The following PTAR1 variants were observed in gnomAD, a reference collection of about 807,000 sequenced individuals.
The protein encoded by PTAR1 is protein prenyltransferase alpha subunit repeat containing 1, also known as protein prenyltransferase alpha subunit repeat-containing protein 1.
A neutral mutation model predicts 45.5 loss-of-function variants in PTAR1; 17 were observed. The ratio of observed to expected loss-of-function variants is 0.37; its 90% CI spans 0.26 to 0.56. The LOEUF is 0.56. Ranked by LOEUF, PTAR1 falls within the 20% of genes least tolerant of loss-of-function variation. PTAR1 has a pLI of 0.77. For missense variants in PTAR1, 391 were observed against 476.3 expected (o/e 0.82, Z 1.67); for synonymous variants, 169 against 171.3 (o/e 0.99, Z 0.11).
intron 6 of PTAR1, among the ~76,000 whole-genome samples, chr9:69,720,168 T>C (rs1001019467): frequency 3.5e-4 from 53 of 152,362 alleles, no homozygotes; most frequent in African/African-American, 1.3e-3. Context: ...GGCTGAAAGC[T>C]AGGCCTCTTG....
At chr9:69,724,155 C>T (rs1298586008) in intron 5 of PTAR1, among the ~76,000 whole-genome samples, 4 of 152,236 alleles carry the variant, frequency 2.6e-5, no homozygotes, top group South Asian at 4.2e-4. Flanking sequence ...TTGCTCACTA[C>T]TTAATTATAA....
intron 6 of PTAR1, among the ~76,000 whole-genome samples, chr9:69,720,812 A>T (rs901355657): frequency 6.6e-6 from 1 of 152,168 alleles, no homozygotes. Flanking sequence ...TTGACAGCAC[A>T]TCCGTTTAAA....
rs1489175867 is a variant in PTAR1, at chr9:69,750,816, A to G, written c.221T>C (p.Leu74Ser). The G allele has an allele frequency of 1.9e-6, 3 of 1,611,374 alleles. No individual in the cohort carries two copies. The highest frequency in any genetic ancestry group is 1.3e-5 in the African/African-American group (1 of 74,808). The stretch of plus-strand genomic sequence containing the variant: ...CAGCCATTGCTTTCTTGTTCTGTAC[A>G]AAAGGAGCTTGTTGTGGACATATGG... ...LLPYVHNKLL[L>S]YRTRKQWLNR... Residue 74 changes from leucine to serine, a missense_variant, in exon 2 of 8, where the codon TTG becomes TCG. Coordinates refer to ENST00000340434, the MANE Select transcript of PTAR1 (RefSeq NM_001099666.2).
intron 1 of PTAR1, among the ~76,000 whole-genome samples, chr9:69,756,418 G>C (rs1006316538): frequency 1.1e-4 from 17 of 152,092 alleles, no homozygotes; most frequent in African/African-American, 4.1e-4. Flanking sequence ...TTAGGATAGG[G>C]ACCATGTGTG....
In PTAR1 at chr9:69,711,065, C is replaced by T. The variant is rs1305554090; in HGVS notation, c.*7277G>A. 1 of 152,058 alleles carries T rather than the reference C, an allele frequency of 6.6e-6. No individual in the cohort carries two copies. Among genetic ancestry groups the T allele is most frequent in the Non-Finnish European group, 1.5e-5 (1 of 68,000 alleles). The allele number at this position is 152,058 out of a possible 1,614,324, so 9.4% of individuals were successfully genotyped here. On this transcript the variant is annotated 3_prime_UTR_variant, in exon 8 of 8. Coordinates refer to ENST00000340434, the MANE Select transcript of PTAR1 (RefSeq NM_001099666.2). ...TAGACGCTATTAAAATCATAACTGGCCTTTTTTTTTCTCCCTCTCCTTTTT... is the reference window on the plus strand; with the variant it reads ...TAGACGCTATTAAAATCATAACTGGTCTTTTTTTTTCTCCCTCTCCTTTTT...
At chr9:69,748,325 T>C (rs1826368231) in intron 2 of PTAR1, among the ~76,000 whole-genome samples, 1 of 151,890 alleles carries the variant, frequency 6.6e-6, no homozygotes, top group Non-Finnish European at 1.5e-5. Context: ...CTGCTTCTTA[T>C]ATCTGTTATG....
intron 1 of PTAR1, among the ~76,000 whole-genome samples, chr9:69,754,530 A>ATATTTTT: frequency 8.5e-6 from 1 of 117,240 alleles, no homozygotes; most frequent in African/African-American, 3.7e-5. Context: ...TTGGGTATAT[A>ATATTTTT]TCTTTTTTTT....
rs1271538606 is a variant in PTAR1, at chr9:69,710,002, A to C, written c.*8340T>G. Reference sequence around the variant, plus strand: ...GGAACAGGCTGATCCTACTTCTAGAACATATTAAAATGAAGATGAAGGAAA... The same window carrying C: ...GGAACAGGCTGATCCTACTTCTAGACCATATTAAAATGAAGATGAAGGAAA... On this transcript the variant is annotated 3_prime_UTR_variant, in exon 8 of 8. Transcript: ENST00000340434. 6.6e-6 allele frequency: 1 copy of C among 152,166 alleles called. No homozygotes were observed. Among genetic ancestry groups the C allele is most frequent in the Non-Finnish European group, 1.5e-5 (1 of 68,004 alleles). The allele number at this position is 152,166 out of a possible 1,614,324, so 9.4% of individuals were successfully genotyped here. A position where few individuals can be genotyped will look rare whatever the true frequency, so the allele number is the denominator to read the frequency against.
chr9:69,732,368 G>A lies in PTAR1; in HGVS notation c.429-16C>T, dbSNP rs374218494. 21 of 1,558,456 alleles carry A rather than the reference G, an allele frequency of 1.3e-5. No homozygotes were observed. In the African/African-American group the frequency reaches 2.8e-4, roughly 21 times the overall value. On this transcript the variant is annotated splice_polypyrimidine_tract_variant and intron_variant, in intron 4 of 7. Transcript: ENST00000340434. ...CACCCATCGCCTGTTAAGGCAGCATGTGGGAAAGAGAACACAGAAAGAACA... is the reference window on the plus strand; with the variant it reads ...CACCCATCGCCTGTTAAGGCAGCATATGGGAAAGAGAACACAGAAAGAACA...
chr9:69,732,816 C>T (rs1192024688), intron 4 of PTAR1, among the ~76,000 whole-genome samples: 3 of 152,120 alleles, frequency 2.0e-5, no homozygotes, highest in Non-Finnish European at 4.4e-5. Context: ...ATTCTGATAG[C>T]TTTCATTCAG....
At chr9:69,731,442 T>A (rs754514897) in intron 5 of PTAR1, among the ~76,000 whole-genome samples, 2 of 152,176 alleles carry the variant, frequency 1.3e-5, no homozygotes, top group African/African-American at 4.8e-5. Context: ...AAAAGGGACA[T>A]GTGGCTCTCA....
intron 1 of PTAR1, among the ~76,000 whole-genome samples, chr9:69,756,774 C>T (rs1456459409): frequency 6.6e-6 from 1 of 152,202 alleles, no homozygotes; most frequent in East Asian, 1.9e-4. Flanking sequence ...GCTCATCATG[C>T]TCCTATCCAA....
At chr9:69,718,975 T>C (rs1431559753) in intron 6 of PTAR1, among the ~76,000 whole-genome samples, 1 of 152,186 alleles carries the variant, frequency 6.6e-6, no homozygotes, top group Non-Finnish European at 1.5e-5. Flanking sequence ...TGGTACTCTA[T>C]GGTAACCGTA....
intron 1 of PTAR1, among the ~76,000 whole-genome samples, chr9:69,755,695 G>A (rs1826745714): frequency 6.6e-6 from 1 of 152,164 alleles, no homozygotes; most frequent in African/African-American, 2.4e-5. Flanking sequence ...AGGAAAGCTA[G>A]TAAAATATAT....
intron 3 of PTAR1, among the ~76,000 whole-genome samples, chr9:69,735,941 T>C (rs1377880375): frequency 6.7e-6 from 1 of 148,654 alleles, no homozygotes; most frequent in East Asian, 1.9e-4. Context: ...TGTCATTATA[T>C]ATATATAATA....
At chr9:69,724,567 A>G (rs7032552) in intron 5 of PTAR1, among the ~76,000 whole-genome samples, 40,214 of 152,082 alleles carry the variant, frequency 0.26, 5,916 homozygotes, top group Middle Eastern at 0.36. Flanking sequence ...CAAAGGTCCC[A>G]GGCAAATGCC....
rs977855820 is a variant in PTAR1, at chr9:69,717,768, G to A, written c.*574C>T. On this transcript the variant is annotated 3_prime_UTR_variant, in exon 8 of 8. Coordinates refer to ENST00000340434, the MANE Select transcript of PTAR1 (RefSeq NM_001099666.2). ...AACTCTATTGCCCAGGCTGAGTACA[G>A]TGGTGCAATCATGGCTCACTACAGC... 6.6e-6 allele frequency: 1 copy of A among 152,342 alleles called. No homozygotes were observed. Among genetic ancestry groups the A allele is most frequent in the Non-Finnish European group, 1.5e-5 (1 of 68,164 alleles). The allele number at this position is 152,342 out of a possible 1,614,324, so 9.4% of individuals were successfully genotyped here. A position where few individuals can be genotyped will look rare whatever the true frequency, so the allele number is the denominator to read the frequency against.
At chr9:69,747,525 AG>A (rs1826326530) in intron 2 of PTAR1, among the ~76,000 whole-genome samples, 1 of 152,208 alleles carries the variant, frequency 6.6e-6, no homozygotes, top group African/African-American at 2.4e-5. Context: ...AAATGTTTCT[AG>A]GGTTCAAATG....
At chr9:69,727,658 T>G (rs1281430601) in intron 5 of PTAR1, among the ~76,000 whole-genome samples, 1 of 152,194 alleles carries the variant, frequency 6.6e-6, no homozygotes, top group East Asian at 1.9e-4. Flanking sequence ...GTATTGGAAT[T>G]TGTTTCTGGA....
Sources: allele counts gnomAD v4.1 joint callset (sites outside exome capture counted in the v4.1 genomes callset), GRCh38; gene constraint gnomAD v4.1.1; transcripts MANE v1.5; gene names NCBI Gene and HGNC (gene_info 2026-07-23, HGNC 2026-07-21).